PID1: variants seen among roughly 807,000 people sequenced by gnomAD.
PID1 encodes the protein phosphotyrosine interaction domain containing 1, also known as PTB-containing, cubilin and LRP1-interacting protein.
PID1 carries 10 observed loss-of-function variants against 19.1 expected under a neutral mutation model. That is an observed-to-expected ratio of 0.52 (90% CI 0.32 to 0.89). The LOEUF is 0.89. Ranked by LOEUF, PID1 falls within the 40% of genes least tolerant of loss-of-function variation. The pLI is 0.03. For missense variants in PID1, 248 were observed against 285.3 expected (o/e 0.87, Z 0.94); for synonymous variants, 130 against 116.0 (o/e 1.12, Z -0.78).
chr2:229,122,501 C>T (rs975957814), intron 2 of PID1, among the ~76,000 whole-genome samples: 3 of 152,124 alleles, frequency 2.0e-5, no homozygotes, highest in East Asian at 1.9e-4. Context: ...AGGGACACAG[C>T]GCCTGACCCT....
chr2:229,213,732 G>A (rs1691787234), intron 1 of PID1, among the ~76,000 whole-genome samples: 1 of 152,178 alleles, frequency 6.6e-6, no homozygotes, highest in South Asian at 2.1e-4. Flanking sequence ...CAATAGATAT[G>A]TGACATTGAC....
At chr2:229,258,558 AACAGC>A (rs1390613457) in intron 1 of PID1, among the ~76,000 whole-genome samples, 1 of 152,204 alleles carries the variant, frequency 6.6e-6, no homozygotes, top group Non-Finnish European at 1.5e-5. Flanking sequence ...ACACATTTTT[AACAGC>A]TCTGTATAGA....
At chr2:229,210,141 A>C (rs1691695987) in intron 1 of PID1, among the ~76,000 whole-genome samples, 1 of 143,862 alleles carries the variant, frequency 7.0e-6, no homozygotes, top group Non-Finnish European at 1.5e-5. Context: ...CTTGAACTTA[A>C]AAAAAAAAAA....
chr2:229,210,252 C>T (rs1691699359), intron 1 of PID1, among the ~76,000 whole-genome samples: 1 of 151,836 alleles, frequency 6.6e-6, no homozygotes, highest in Admixed American at 6.5e-5. Flanking sequence ...GCGGCTCGCG[C>T]CTGTAATCCC....
chr2:229,154,151 A>C (rs983260636), intron 2 of PID1, among the ~76,000 whole-genome samples: 2 of 152,170 alleles, frequency 1.3e-5, no homozygotes, highest in African/African-American at 4.8e-5. Context: ...ATTACCATTT[A>C]AAATCACTTT....
At chr2:229,180,424 GA>G (rs879393500) in intron 1 of PID1, among the ~76,000 whole-genome samples, 4 of 150,752 alleles carry the variant, frequency 2.7e-5, no homozygotes, top group Middle Eastern at 6.9e-3. Flanking sequence ...CTTTAGGAAG[GA>G]AAAAAAAAGT....
intron 2 of PID1, among the ~76,000 whole-genome samples, chr2:229,087,041 T>C (rs1365856575): frequency 6.6e-6 from 1 of 152,116 alleles, no homozygotes; most frequent in Non-Finnish European, 1.5e-5. Context: ...AACATCAGAT[T>C]AAGTAAAGAA....
intron 1 of PID1, among the ~76,000 whole-genome samples, chr2:229,200,484 T>C (rs1283334353): frequency 6.6e-6 from 1 of 152,120 alleles, no homozygotes; most frequent in South Asian, 2.1e-4. Flanking sequence ...GAGATGCTGG[T>C]CAAATCTCCA....
chr2:229,053,452 C>T (rs1253706752), intron 2 of PID1, among the ~76,000 whole-genome samples: 1 of 152,182 alleles, frequency 6.6e-6, no homozygotes, highest in Non-Finnish European at 1.5e-5. Flanking sequence ...ATAAAACAGA[C>T]ACAAATTTCT....
intron 2 of PID1, among the ~76,000 whole-genome samples, chr2:229,153,013 G>T (rs963552466): frequency 6.6e-6 from 1 of 152,166 alleles, no homozygotes; most frequent in South Asian, 2.1e-4. Flanking sequence ...CCGAGAGAGC[G>T]TTCCTTCTGC....
intron 2 of PID1, among the ~76,000 whole-genome samples, chr2:229,150,015 A>G (rs1690216545): frequency 6.6e-6 from 1 of 152,100 alleles, no homozygotes; most frequent in Non-Finnish European, 1.5e-5. Flanking sequence ...AGGCGGGTGG[A>G]TCACTTGAGG....
At chr2:229,074,386 C>T (rs1694517493) in intron 2 of PID1, among the ~76,000 whole-genome samples, 1 of 151,628 alleles carries the variant, frequency 6.6e-6, no homozygotes. Context: ...AAAATGGAGA[C>T]AAACAGAAAT....
intron 1 of PID1, among the ~76,000 whole-genome samples, chr2:229,221,241 G>C (rs1196331934): frequency 6.6e-6 from 1 of 152,198 alleles, no homozygotes; most frequent in Non-Finnish European, 1.5e-5. Flanking sequence ...TAGTGGGATA[G>C]TTGGTCACCC....
rs576552797 is a variant in PID1 at position 229,244,269 on chromosome 2, T to C, written c.30+26745A>G. Reference sequence around the variant, plus strand: ...AAGAACCCCATACCCAGTAGCCTTTTTCCAGTCAAATTTTTAAGCAGTCTG... The same window carrying C: ...AAGAACCCCATACCCAGTAGCCTTTCTCCAGTCAAATTTTTAAGCAGTCTG... On this transcript the variant is annotated intron_variant, in intron 1 of 2. Transcript: ENST00000392055. Among the ~76,000 whole-genome samples, 5 of 152,262 alleles carry C rather than the reference T, an allele frequency of 3.3e-5. No homozygotes were observed. In the East Asian group the frequency reaches 7.7e-4, roughly 23 times the overall value.
chr2:229,116,891 C>G (rs1377545733), intron 2 of PID1, among the ~76,000 whole-genome samples: 3 of 151,394 alleles, frequency 2.0e-5, no homozygotes, highest in Non-Finnish European at 4.4e-5. Context: ...TATCTCTAAA[C>G]ACTGCCTTCA....
In PID1 at chr2:229,271,199, C is replaced by A; in HGVS notation, c.-156G>T. On this transcript the variant is annotated 5_prime_UTR_variant, in exon 1 of 3. Coordinates refer to ENST00000392055, the MANE Select transcript of PID1 (RefSeq NM_001100818.2). ...GCCGCCGGGTGGGCGTAGGGGGCTG[C>A]GAGCAGGAGGAGGCGCGGCGCTCAG... 1.4e-6 allele frequency: 1 copy of A among 710,568 alleles called. No individual in the cohort carries two copies. The highest frequency in any genetic ancestry group is 2.2e-6 in the Non-Finnish European group (1 of 455,674). The allele number at this position is 710,568 out of a possible 1,614,324, so 44.0% of individuals were successfully genotyped here. A position where few individuals can be genotyped will look rare whatever the true frequency, so the allele number is the denominator to read the frequency against.
At chr2:229,191,747 T>C (rs949351463) in intron 1 of PID1, among the ~76,000 whole-genome samples, 4 of 152,230 alleles carry the variant, frequency 2.6e-5, no homozygotes, top group Non-Finnish European at 5.9e-5. Context: ...AAAAATTGGT[T>C]AGTCAAATTA....
At chr2:229,102,888 T>G (rs1695102765) in intron 2 of PID1, among the ~76,000 whole-genome samples, 1 of 152,208 alleles carries the variant, frequency 6.6e-6, no homozygotes, top group Non-Finnish European at 1.5e-5. Flanking sequence ...GAGAAGATGC[T>G]GTCTTTCAGG....
chr2:229,101,687 G>A (rs1395202378), intron 2 of PID1, among the ~76,000 whole-genome samples: 1 of 152,136 alleles, frequency 6.6e-6, no homozygotes, highest in Non-Finnish European at 1.5e-5. Context: ...ACAAAGATGA[G>A]AAACTATTAA....
Sources: allele counts gnomAD v4.1 joint callset (sites outside exome capture counted in the v4.1 genomes callset), GRCh38; gene constraint gnomAD v4.1.1; transcripts MANE v1.5; gene names NCBI Gene and HGNC (gene_info 2026-07-23, HGNC 2026-07-21).